DLG1: variants seen among roughly 807,000 people sequenced by gnomAD.
DLG1 encodes disks large homolog 1.
In DLG1, 42 loss-of-function variants were observed where a neutral mutation model predicts 123.4. The ratio of observed to expected loss-of-function variants is 0.34; its 90% CI spans 0.27 to 0.44. The LOEUF (loss-of-function observed/expected upper bound fraction) is 0.44, where lower values mean the gene tolerates loss of function less well. Among genes scored for constraint, DLG1 ranks in the 20% least tolerant of loss-of-function variants. The probability of loss-of-function intolerance (pLI) is 1.00; values close to 1 mark genes in which losing one functional copy is unlikely to be tolerated. For missense variants in DLG1, 942 were observed against 1,082.6 expected, an observed-to-expected ratio of 0.87 and a Z score of 1.82; for synonymous variants, 317 against 356.2, an observed-to-expected ratio of 0.89 and a Z score of 1.24.
chr3:197,154,824 A>G (rs145453405), intron 5 of DLG1, among the ~76,000 whole-genome samples: 4 of 152,214 alleles, frequency 2.6e-5, no homozygotes, highest in East Asian at 1.9e-4. Flanking sequence ...ATTCAAAAGC[A>G]TATCTGAGCA....
chr3:197,284,341 A>G (rs1770798555), intron 3 of DLG1, among the ~76,000 whole-genome samples: 1 of 152,172 alleles, frequency 6.6e-6, no homozygotes, highest in African/African-American at 2.4e-5. Context: ...CACACATCAC[A>G]CTATGTAAAA....
chr3:197,054,306 T>C (rs1057299060), intron 23 of DLG1, among the ~76,000 whole-genome samples: 1 of 135,472 alleles, frequency 7.4e-6, no homozygotes, highest in Non-Finnish European at 1.6e-5. Flanking sequence ...TTTTTGGCCA[T>C]TATTTCTTCA....
intron 14 of DLG1, among the ~76,000 whole-genome samples, chr3:197,102,141 T>A (rs1242890716): frequency 1.3e-5 from 2 of 152,198 alleles, no homozygotes; most frequent in Admixed American, 1.3e-4. Context: ...TTAATAAAAC[T>A]GAAAGGAGTT....
intron 4 of DLG1, among the ~76,000 whole-genome samples, chr3:197,240,463 G>C (rs1216833736): frequency 6.6e-6 from 1 of 152,062 alleles, no homozygotes; most frequent in Non-Finnish European, 1.5e-5. Context: ...AGACAGAGAA[G>C]GCTGAATAAA....
At chr3:197,200,491 C>T (rs761392328) in intron 4 of DLG1, among the ~76,000 whole-genome samples, 5 of 152,060 alleles carry the variant, frequency 3.3e-5, no homozygotes, top group Non-Finnish European at 5.9e-5. Flanking sequence ...GCCAGTATTA[C>T]CCTGTTATCA....
chr3:197,051,738 G>A lies in DLG1; in HGVS notation c.2484-70C>T. The A allele has an allele frequency of 4.4e-6, 5 of 1,142,162 alleles. No individual in the cohort carries two copies. In the South Asian group the frequency reaches 6.9e-5, roughly 16 times the overall value. 70.8% of individuals were successfully genotyped at this position (1,142,162 alleles called of 1,614,324 possible). ...CTTTTAAAAAAAAGATGGCAAAGGA[G>A]AGATGACACATAAAATAGAAAATCA... On this transcript the variant is annotated intron_variant, in intron 23 of 24. Coordinates refer to ENST00000667157, the MANE Select transcript of DLG1 (RefSeq NM_001366207.1).
At chr3:197,046,413 T>C (rs1178348656) in intron 24 of DLG1, among the ~76,000 whole-genome samples, 1 of 152,236 alleles carries the variant, frequency 6.6e-6, no homozygotes, top group African/African-American at 2.4e-5. Context: ...TGATTAAAAT[T>C]AGCATCATAA....
intron 13 of DLG1, among the ~76,000 whole-genome samples, chr3:197,107,702 T>C (rs1767376809): frequency 1.3e-5 from 2 of 152,224 alleles, no homozygotes; most frequent in African/African-American, 2.4e-5. Flanking sequence ...TGAACTCATT[T>C]ATTAGCTTGA....
intron 4 of DLG1, among the ~76,000 whole-genome samples, chr3:197,232,321 G>A (rs1227275472): frequency 6.9e-6 from 1 of 144,022 alleles, no homozygotes; most frequent in Non-Finnish European, 1.5e-5. Context: ...CTATGATCAC[G>A]CCACTGTACT....
chr3:197,288,362 CAAAAAAAAAAA>C (rs1290725400), intron 3 of DLG1, among the ~76,000 whole-genome samples: 1 of 45,572 alleles, frequency 2.2e-5, no homozygotes, highest in African/African-American at 9.7e-5. Context: ...GACTCCGTCT[CAAAAAAAAAAA>C]AAAAAAAAAG....
At chr3:197,184,007 T>A in intron 5 of DLG1, 1 of 1,371,726 alleles carries the variant, frequency 7.3e-7, no homozygotes, top group African/African-American at 1.5e-5. Flanking sequence ...TCTGTACCTG[T>A]TAGCTGTATG....
intron 22 of DLG1, among the ~76,000 whole-genome samples, chr3:197,060,467 TATTC>T (rs1311603855): frequency 6.6e-6 from 1 of 152,156 alleles, no homozygotes; most frequent in African/African-American, 2.4e-5. Context: ...CAAGAAAAGT[TATTC>T]ATTAAGACTC....
At position 197,208,113 on chromosome 3, in the gene DLG1, G is replaced by GA. The variant is rs58523246; in HGVS notation, c.319-13525dup. 6.4e-5 allele frequency among the ~76,000 whole-genome samples: 9 copies of GA among 139,614 alleles called. 1 individual carries two copies. Among genetic ancestry groups the GA allele is most frequent in the South Asian group, 5.6e-4 (2 of 3,566 alleles). 91.6% of individuals were successfully genotyped at this position (139,614 alleles called of 152,430 possible). A position where few individuals can be genotyped will look rare whatever the true frequency, so the allele number is the denominator to read the frequency against. On this transcript the variant is annotated intron_variant, in intron 4 of 24. Transcript: ENST00000667157. The stretch of plus-strand genomic sequence containing the variant: ...AACAAGAACAAGCAAACAATTTAGA[G>GA]AAAAAAAAAAATCAAGTAATTCTTA...
At chr3:197,244,196 T>C (rs1191248014) in intron 4 of DLG1, among the ~76,000 whole-genome samples, 1 of 152,214 alleles carries the variant, frequency 6.6e-6, no homozygotes, top group East Asian at 1.9e-4. Context: ...GGAAGCTTGA[T>C]GGCCCTTGGG....
chr3:197,119,261 ATCC>A (rs925040078), intron 12 of DLG1, 146 bp downstream of exon 12: 2 of 406,278 alleles, frequency 4.9e-6, no homozygotes, highest in African/African-American at 4.1e-5. Context: ...TCTTCAATGA[ATCC>A]TCCTATGGAA....
In DLG1 at chr3:197,162,493, A is replaced by G. The variant is rs188566595; in HGVS notation, c.484-12697T>C. Reference sequence around the variant, plus strand: ...AGGACAGCCTGCCTTAACAGGCCTTAAAACAGGAAGAACAAATTGCCAGAC... The same window carrying G: ...AGGACAGCCTGCCTTAACAGGCCTTGAAACAGGAAGAACAAATTGCCAGAC... On this transcript the variant is annotated intron_variant, in intron 5 of 24. Coordinates refer to ENST00000667157, the MANE Select transcript of DLG1 (RefSeq NM_001366207.1). Among the ~76,000 whole-genome samples, 140 of 152,324 alleles carry G rather than the reference A, an allele frequency of 9.2e-4. 1 individual carries two copies. The highest frequency in any genetic ancestry group is 3.0e-3 in the African/African-American group (126 of 41,578).
chr3:197,149,871 T>C (rs916930004), intron 5 of DLG1, 75 bp from the exon 6 acceptor site: 11 of 834,420 alleles, frequency 1.3e-5, no homozygotes, highest in East Asian at 2.6e-5. Flanking sequence ...GTTAGAGGCA[T>C]AGGAAAGACT....
At chr3:197,125,760 T>A (rs1306078971) in intron 11 of DLG1, among the ~76,000 whole-genome samples, 1 of 152,130 alleles carries the variant, frequency 6.6e-6, no homozygotes, top group East Asian at 1.9e-4. Flanking sequence ...GATGAATCAT[T>A]AGTGTGGTTT....
At position 197,219,108 on chromosome 3, in the gene DLG1, C is replaced by T. The variant is rs114414721; in HGVS notation, c.319-24519G>A. 8.3e-3 allele frequency among the ~76,000 whole-genome samples: 1,258 copies of T among 150,718 alleles called. 13 individuals are homozygous for T. Among genetic ancestry groups the T allele is most frequent in the African/African-American group, 0.029 (1,172 of 40,962 alleles). On this transcript the variant is annotated intron_variant, in intron 4 of 24. Coordinates refer to ENST00000667157, the MANE Select transcript of DLG1 (RefSeq NM_001366207.1). Reference sequence around the variant, plus strand: ...ATGCGCCACTGCACTCCAGCCTGGGCGACAAGAGTGACACTTGGACTCAAA... The same window carrying T: ...ATGCGCCACTGCACTCCAGCCTGGGTGACAAGAGTGACACTTGGACTCAAA...
Sources: allele counts gnomAD v4.1 joint callset (sites outside exome capture counted in the v4.1 genomes callset), GRCh38; gene constraint gnomAD v4.1.1; transcripts MANE v1.5; gene names NCBI Gene and HGNC (gene_info 2026-07-23, HGNC 2026-07-21).